The following HS6ST3 variants were observed in gnomAD, a reference collection of about 807,000 sequenced individuals.
The protein encoded by HS6ST3 is heparan-sulfate 6-O-sulfotransferase 3.
In HS6ST3, 12 loss-of-function variants were observed where a neutral mutation model predicts 36.7. The observed-to-expected ratio is 0.33, with a 90% CI of 0.21 to 0.53. HS6ST3 has a LOEUF of 0.53. Ranked by LOEUF, HS6ST3 falls within the 20% of genes least tolerant of loss-of-function variation. HS6ST3 has a pLI of 0.95. For synonymous variants in HS6ST3, 240 were observed against 257.5 expected (o/e 0.93, Z 0.65); for missense variants, 584 against 640.9 (o/e 0.91, Z 0.96).
chr13:96,701,672 A>G (rs747053075), intron 1 of HS6ST3, among the ~76,000 whole-genome samples: 1 of 152,130 alleles, frequency 6.6e-6, no homozygotes, highest in Non-Finnish European at 1.5e-5. Flanking sequence ...ACTGACCTAT[A>G]AGAACAACCA....
chr13:96,097,630 G>A (rs921158879), intron 1 of HS6ST3, among the ~76,000 whole-genome samples: 2 of 151,948 alleles, frequency 1.3e-5, no homozygotes, highest in Non-Finnish European at 2.9e-5. Context: ...TTTTGAGTTG[G>A]TTAGATTGTA....
At chr13:96,564,041 T>C (rs1266629413) in intron 1 of HS6ST3, among the ~76,000 whole-genome samples, 1 of 152,212 alleles carries the variant, frequency 6.6e-6, no homozygotes, top group Non-Finnish European at 1.5e-5. Flanking sequence ...ACCTTACTCA[T>C]TTTTCAGTCC....
intron 1 of HS6ST3, among the ~76,000 whole-genome samples, chr13:96,582,102 G>A (rs1436243965): frequency 1.3e-5 from 2 of 152,184 alleles, no homozygotes; most frequent in Non-Finnish European, 2.9e-5. Context: ...CAGACACAAA[G>A]ATTTTAAAGA....
chr13:96,404,590 G>C (rs956224062), intron 1 of HS6ST3, among the ~76,000 whole-genome samples: 4 of 152,192 alleles, frequency 2.6e-5, no homozygotes, highest in Non-Finnish European at 5.9e-5. Context: ...AGCGATATAG[G>C]AAGGAAAGTT....
At chr13:96,453,044 GTACCC>G (rs1455263638) in intron 1 of HS6ST3, among the ~76,000 whole-genome samples, 2 of 152,046 alleles carry the variant, frequency 1.3e-5, no homozygotes, top group African/African-American at 4.8e-5. Context: ...GAGATGCGGA[GTACCC>G]TAGGTAGATG....
chr13:96,160,861 G>A (rs1184994352), intron 1 of HS6ST3, among the ~76,000 whole-genome samples: 2 of 152,174 alleles, frequency 1.3e-5, no homozygotes, highest in African/African-American at 4.8e-5. Flanking sequence ...GAACCCACAG[G>A]GCTGGGATGG....
chr13:96,480,828 T>C (rs926200667), intron 1 of HS6ST3, among the ~76,000 whole-genome samples: 7 of 152,146 alleles, frequency 4.6e-5, no homozygotes, highest in Admixed American at 2.0e-4. Flanking sequence ...CTATCCTACA[T>C]TGTGGATTCA....
chr13:96,344,327 A>G lies in HS6ST3; in HGVS notation c.707+252758A>G, dbSNP rs556438899. 7.2e-4 allele frequency among the ~76,000 whole-genome samples: 110 copies of G among 152,338 alleles called. 1 individual carries two copies. The highest frequency in any genetic ancestry group is 2.6e-3 in the African/African-American group (107 of 41,588). ...ATGACTGAAATAAACTAATACAACT[A>G]TAGAAATAACATGTGAGGAAGGGGA... On this transcript the variant is annotated intron_variant, in intron 1 of 1. Coordinates refer to ENST00000376705, the MANE Select transcript of HS6ST3 (RefSeq NM_153456.4).
intron 1 of HS6ST3, among the ~76,000 whole-genome samples, chr13:96,545,098 A>T (rs2056192831): frequency 6.6e-6 from 1 of 152,178 alleles, no homozygotes; most frequent in Non-Finnish European, 1.5e-5. Context: ...ATGCTATCTA[A>T]GTCTTGCTGG....
intron 1 of HS6ST3, among the ~76,000 whole-genome samples, chr13:96,351,882 T>C (rs1303298439): frequency 6.6e-6 from 1 of 152,148 alleles, no homozygotes; most frequent in Non-Finnish European, 1.5e-5. Context: ...GTTGGCTGGA[T>C]ATGAAATTAA....
chr13:96,302,314 A>T (rs987416086), intron 1 of HS6ST3, among the ~76,000 whole-genome samples: 1 of 152,038 alleles, frequency 6.6e-6, no homozygotes, highest in East Asian at 1.9e-4. Flanking sequence ...ACAATTGGAA[A>T]TTAAAAAATT....
intron 1 of HS6ST3, among the ~76,000 whole-genome samples, chr13:96,429,157 C>T (rs1474151372): frequency 6.6e-6 from 1 of 152,118 alleles, no homozygotes; most frequent in African/African-American, 2.4e-5. Context: ...AGCTGTTAAA[C>T]CAAGGACAGT....
intron 1 of HS6ST3, among the ~76,000 whole-genome samples, chr13:96,182,910 G>A (rs1340027059): frequency 2.0e-5 from 3 of 152,142 alleles, no homozygotes; most frequent in Non-Finnish European, 4.4e-5. Flanking sequence ...AAAGTCTTCT[G>A]CAATTTCTTT....
intron 1 of HS6ST3, among the ~76,000 whole-genome samples, chr13:96,249,883 T>C (rs2054599971): frequency 6.6e-6 from 1 of 152,134 alleles, no homozygotes; most frequent in Non-Finnish European, 1.5e-5. Flanking sequence ...ATGAGGTATC[T>C]AAAGAAGTCA....
intron 1 of HS6ST3, among the ~76,000 whole-genome samples, chr13:96,363,253 T>A (rs1397911907): frequency 6.6e-6 from 1 of 151,806 alleles, no homozygotes; most frequent in Non-Finnish European, 1.5e-5. Context: ...ATGCCATCAA[T>A]GGGAGTGGGT....
intron 1 of HS6ST3, among the ~76,000 whole-genome samples, chr13:96,600,247 T>TCCC (rs1313895955): frequency 2.0e-5 from 3 of 151,730 alleles, no homozygotes; most frequent in African/African-American, 7.3e-5. Flanking sequence ...AGTGTTGAAC[T>TCCC]CCCCCACTAT....
intron 1 of HS6ST3, among the ~76,000 whole-genome samples, chr13:96,576,083 G>C (rs951676476): frequency 6.6e-6 from 1 of 152,194 alleles, no homozygotes; most frequent in African/African-American, 2.4e-5. Flanking sequence ...TGCCAGGAAT[G>C]GGGGAGAGGG....
At chr13:96,248,664 A>G (rs1013231948) in intron 1 of HS6ST3, among the ~76,000 whole-genome samples, 1 of 152,202 alleles carries the variant, frequency 6.6e-6, no homozygotes, top group African/African-American at 2.4e-5. Context: ...GCAGGTGTTT[A>G]CAGTGATTTT....
intron 1 of HS6ST3, among the ~76,000 whole-genome samples, chr13:96,239,256 C>T (rs1343399980): frequency 1.3e-5 from 2 of 152,140 alleles, no homozygotes; most frequent in African/African-American, 2.4e-5. Flanking sequence ...ATGTGTACCA[C>T]GGAAATAGTT....
Sources: gnomAD v4.1 joint callset for allele counts (sites outside exome capture counted in the v4.1 genomes callset) on GRCh38, gnomAD v4.1.1 for gene constraint, MANE v1.5 for transcripts, NCBI Gene and HGNC (gene_info 2026-07-23, HGNC 2026-07-21) for gene names.